The following PALM2AKAP2 variants were observed in gnomAD, a reference collection of about 807,000 sequenced individuals.
The protein encoded by PALM2AKAP2 is PALM2-AKAP2 fusion protein.
Under a neutral mutation model 71.5 loss-of-function variants are expected in PALM2AKAP2, and 37 were observed. The ratio of observed to expected loss-of-function variants is 0.52; its 90% confidence interval spans 0.40 to 0.68. The LOEUF (loss-of-function observed/expected upper bound fraction) is 0.68. Among genes scored for constraint, PALM2AKAP2 ranks in the 30% least tolerant of loss-of-function variants. The pLI is 0.00. For missense variants in PALM2AKAP2, 1,224 were observed against 1,191.8 expected (o/e 1.03, Z -0.40); for synonymous variants, 468 against 478.8 (o/e 0.98, Z 0.29).
chr9:109,894,477 T>C (rs1830155805), intron 3 of PALM2AKAP2, among the ~76,000 whole-genome samples: 5 of 152,200 alleles, frequency 3.3e-5, no homozygotes. Context: ...CTGCTTCTGG[T>C]CAGGCAACTG....
At chr9:110,019,010 G>A (rs1380328578) in intron 7 of PALM2AKAP2, among the ~76,000 whole-genome samples, 1 of 152,150 alleles carries the variant, frequency 6.6e-6, no homozygotes, top group South Asian at 2.1e-4. Flanking sequence ...GGGAGGCCAA[G>A]GTGGGTGGAT....
At chr9:110,088,267 T>G (rs1686260353) in intron 1 of PALM2AKAP2, among the ~76,000 whole-genome samples, 1 of 152,166 alleles carries the variant, frequency 6.6e-6, no homozygotes, top group Non-Finnish European at 1.5e-5. Flanking sequence ...GGCTCATGAT[T>G]AGTCTGATTG....
At chr9:109,933,924 A>G (rs1479083128) in intron 6 of PALM2AKAP2, among the ~76,000 whole-genome samples, 3 of 152,202 alleles carry the variant, frequency 2.0e-5, no homozygotes, top group Non-Finnish European at 4.4e-5. Context: ...GTGGCTTACC[A>G]ACCAAGGGTA....
chr9:109,765,473 TGATCATCATCATC>T (rs1829135951), intron 1 of PALM2AKAP2: 1 of 26,510 alleles, frequency 3.8e-5, no homozygotes. Context: ...ATCATGATCA[TGATCATCATCATC>T]ATCATCATCA....
At chr9:109,761,775 G>C (rs1263309505) in intron 1 of PALM2AKAP2, among the ~76,000 whole-genome samples, 1 of 152,134 alleles carries the variant, frequency 6.6e-6, no homozygotes, top group Non-Finnish European at 1.5e-5. Context: ...GTCTATCATT[G>C]ATGGGCATTT....
intron 3 of PALM2AKAP2, among the ~76,000 whole-genome samples, chr9:110,159,616 C>T (rs1265017757): frequency 6.6e-6 from 1 of 152,158 alleles, no homozygotes; most frequent in Non-Finnish European, 1.5e-5. Context: ...ATATGTTAGA[C>T]ACAATGGTAT....
intron 1 of PALM2AKAP2, among the ~76,000 whole-genome samples, chr9:109,754,929 A>G (rs1828936138): frequency 2.6e-5 from 4 of 152,086 alleles, no homozygotes; most frequent in South Asian, 4.1e-4. Flanking sequence ...CTATCCAACC[A>G]GTTGCACAGA....
chr9:109,740,304 A>G (rs778752435), intron 1 of PALM2AKAP2, among the ~76,000 whole-genome samples: 5 of 152,226 alleles, frequency 3.3e-5, no homozygotes, highest in Non-Finnish European at 7.3e-5. Flanking sequence ...TAAATTTTTT[A>G]TGTGTCAGAT....
At chr9:110,121,884 C>T (rs1835493962) in intron 1 of PALM2AKAP2, among the ~76,000 whole-genome samples, 1 of 152,094 alleles carries the variant, frequency 6.6e-6, no homozygotes, top group Admixed American at 6.6e-5. Context: ...TCACCTTTGC[C>T]CAAAGTTCAT....
chr9:109,892,776 A>G (rs1332279533), intron 3 of PALM2AKAP2, among the ~76,000 whole-genome samples: 3 of 152,090 alleles, frequency 2.0e-5, no homozygotes, highest in African/African-American at 4.8e-5. Context: ...TTCTTCTTCT[A>G]TAAAAAGAAA....
intron 1 of PALM2AKAP2, among the ~76,000 whole-genome samples, chr9:109,648,623 A>G (rs953785071): frequency 1.3e-5 from 2 of 152,174 alleles, no homozygotes; most frequent in Admixed American, 1.3e-4. Flanking sequence ...GTAAGTTTGG[A>G]TAGAGACTTG....
chr9:109,764,518 C>A (rs902962298), intron 1 of PALM2AKAP2, among the ~76,000 whole-genome samples: 2 of 152,202 alleles, frequency 1.3e-5, no homozygotes, highest in South Asian at 4.1e-4. Context: ...CCTTCTCTGG[C>A]AGTTCCCCTA....
intron 1 of PALM2AKAP2, among the ~76,000 whole-genome samples, chr9:109,675,868 T>C (rs1485611057): frequency 6.6e-6 from 1 of 152,196 alleles, no homozygotes; most frequent in Non-Finnish European, 1.5e-5. Flanking sequence ...CCCCCTTTGA[T>C]GACTGTTTAC....
intron 6 of PALM2AKAP2, among the ~76,000 whole-genome samples, chr9:109,976,260 C>T (rs1467496186): frequency 6.6e-6 from 1 of 152,232 alleles, no homozygotes; most frequent in Non-Finnish European, 1.5e-5. Flanking sequence ...CTATCATTAG[C>T]AGTTTACACA....
chr9:110,098,147 A>T (rs579165), intron 1 of PALM2AKAP2, among the ~76,000 whole-genome samples: 1 of 130,678 alleles, frequency 7.7e-6, no homozygotes, highest in East Asian at 2.0e-4. Flanking sequence ...AGAGGGAGAC[A>T]GTGGAAAGAG....
At chr9:109,694,377 C>T (rs1444265078) in intron 1 of PALM2AKAP2, among the ~76,000 whole-genome samples, 1 of 151,986 alleles carries the variant, frequency 6.6e-6, no homozygotes, top group Non-Finnish European at 1.5e-5. Flanking sequence ...AAAATACTAA[C>T]CCACTTCATT....
chr9:110,112,395 T>C (rs540706817), intron 1 of PALM2AKAP2, among the ~76,000 whole-genome samples: 2 of 152,338 alleles, frequency 1.3e-5, no homozygotes, highest in Non-Finnish European at 2.9e-5. Context: ...TGAGCTTCAA[T>C]GTGTTCATCC....
intron 3 of PALM2AKAP2, among the ~76,000 whole-genome samples, chr9:110,164,389 C>A (rs910862264): frequency 6.6e-6 from 1 of 152,036 alleles, no homozygotes; most frequent in Non-Finnish European, 1.5e-5. Context: ...CAAAGTTAAG[C>A]AATTCACTTG....
chr9:109,923,287 A>G (rs952296195), intron 3 of PALM2AKAP2, among the ~76,000 whole-genome samples: 3 of 152,166 alleles, frequency 2.0e-5, no homozygotes, highest in Non-Finnish European at 4.4e-5. Flanking sequence ...GCCACCAGCT[A>G]TTTCTTGGCA....
Sources: gnomAD v4.1 joint callset for allele counts (sites outside exome capture counted in the v4.1 genomes callset) on GRCh38, gnomAD v4.1.1 for gene constraint, MANE v1.5 for transcripts, NCBI Gene and HGNC (gene_info 2026-07-23, HGNC 2026-07-21) for gene names.